TMEM259: variants seen among roughly 807,000 people sequenced by gnomAD.
The protein encoded by TMEM259 is membralin.
TMEM259 carries 26 observed loss-of-function variants against 46.7 expected under a neutral mutation model. The observed-to-expected ratio is 0.56, with a 90% CI of 0.41 to 0.77. The LOEUF (loss-of-function observed/expected upper bound fraction) is 0.77, where lower values mean the gene tolerates loss of function less well. Among genes scored for constraint, TMEM259 ranks in the 30% least tolerant of loss-of-function variants. TMEM259 has a pLI of 0.00. For missense variants in TMEM259, 930 were observed against 900.5 expected (o/e 1.03, Z -0.42); for synonymous variants, 494 against 395.1 (o/e 1.25, Z -2.97).
At chr19:1,012,209 G>T in intron 4 of TMEM259, 21 bp from the exon 5 acceptor site, 2 of 1,585,116 alleles carry the variant, frequency 1.3e-6, no homozygotes, top group East Asian at 2.3e-5. Context: ...GTGAATCAGG[G>T]AGCCGGGAGC....
Position 1,009,793 on chromosome 19 carries a change from G to A in TMEM259, c.*557C>T, listed in dbSNP as rs375681415. On this transcript the variant is annotated 3_prime_UTR_variant, in exon 11 of 11. Transcript: ENST00000356663. ...CCCACTCCATCCCCGAGTGGGACTGGACCACGGCCCTGGCTGCTGCCACTG... is the reference window on the plus strand; with the variant it reads ...CCCACTCCATCCCCGAGTGGGACTGAACCACGGCCCTGGCTGCTGCCACTG... 1.6e-5 allele frequency: 8 copies of A among 516,058 alleles called. No homozygotes were observed. The highest frequency in any genetic ancestry group is 6.0e-5 in the African/African-American group (3 of 49,654). 32.0% of individuals were successfully genotyped at this position (516,058 alleles called of 1,614,324 possible).
At chr19:1,015,412 G>A (rs564607858) in intron 1 of TMEM259, among the ~76,000 whole-genome samples, 2 of 152,328 alleles carry the variant, frequency 1.3e-5, no homozygotes, top group South Asian at 4.1e-4. Context: ...GGCTTGGGGA[G>A]CCCACGCCCC....
At position 1,013,342 on chromosome 19, in the gene TMEM259, T is replaced by C; in HGVS notation, c.508-2A>G. 6.2e-7 allele frequency: 1 copy of C among 1,613,272 alleles called. No homozygotes were observed. The highest frequency in any genetic ancestry group is 8.5e-7 in the Non-Finnish European group (1 of 1,179,530). On this transcript the variant is annotated splice_acceptor_variant, in intron 2 of 10. Coordinates refer to ENST00000356663, the MANE Select transcript of TMEM259 (RefSeq NM_001033026.2). LOFTEE classifies it high-confidence loss of function. The stretch of plus-strand genomic sequence containing the variant: ...CTTGGGCTCGATGTCCAGCTCAAAC[T>C]GTGGGCGACCAGGGACCTGGGTGTC...
At chr19:1,017,724 G>A (rs2039157214) in intron 1 of TMEM259, among the ~76,000 whole-genome samples, 1 of 152,130 alleles carries the variant, frequency 6.6e-6, no homozygotes, top group African/African-American at 2.4e-5. Context: ...GACCTGGAGT[G>A]CCAGGAGCAG....
chr19:1,011,530 G>GGCGGGGCGGGGTGCA (rs1160862880), intron 8 of TMEM259, 31 bp from the exon 9 acceptor site: 49 of 1,543,794 alleles, frequency 3.2e-5, no homozygotes, highest in Non-Finnish European at 4.3e-5. Context: ...GGTTGAAGCG[G>GGCGGGGCGGGGTGCA]GCGGGGCGGG....
intron 1 of TMEM259, 106 bp from the exon 2 acceptor site, chr19:1,014,579 G>A (rs1240448359): frequency 9.8e-6 from 13 of 1,320,620 alleles, no homozygotes; most frequent in East Asian, 2.5e-5. Flanking sequence ...CGCCCAGGAC[G>A]GGGAAAGGAA....
intron 1 of TMEM259, chr19:1,017,215 G>A (rs901967822): frequency 2.5e-6 from 1 of 399,914 alleles, no homozygotes; most frequent in Non-Finnish European, 4.4e-6. Context: ...ACCAGGCCCG[G>A]CCCTGAGCCA....
chr19:1,011,017 G>A (rs2038895054), intron 10 of TMEM259, 79 bp downstream of exon 10: 1 of 1,547,396 alleles, frequency 6.5e-7, no homozygotes, highest in Non-Finnish European at 8.7e-7. Flanking sequence ...CGACCCCACA[G>A]GGCATCCTCC....
intron 10 of TMEM259, 91 bp from the exon 11 acceptor site, chr19:1,010,986 G>A (rs887905112): frequency 3.8e-4 from 583 of 1,545,280 alleles, no homozygotes; most frequent in Non-Finnish European, 4.8e-4. Context: ...GACCATCCAC[G>A]CTACCTCTGC....
intron 1 of TMEM259, among the ~76,000 whole-genome samples, chr19:1,018,830 A>AT (rs2039192242): frequency 6.6e-6 from 1 of 152,094 alleles, no homozygotes; most frequent in Non-Finnish European, 1.5e-5. Context: ...TACTAAAAAG[A>AT]CAAAAAAATT....
chr19:1,012,551 G>C lies in TMEM259; in HGVS notation c.630C>G (p.Ile210Met). The change falls in exon 4 of 11, where the codon ATC (isoleucine) becomes ATG (methionine). Residue 210 changes from isoleucine (I) to methionine (M), a missense_variant. By Grantham distance (10) the Ile-to-Met change is conservative. Coordinates refer to ENST00000356663, the MANE Select transcript of TMEM259 (RefSeq NM_001033026.2). ...PTKVWPQDEY[I>M]VEYSLEYGFL... ...AGCCATACTCTAGTGAGTACTCCACGATGTACTCGTCCTGCGGCCACACTG... is the reference window on the plus strand; with the variant it reads ...AGCCATACTCTAGTGAGTACTCCACCATGTACTCGTCCTGCGGCCACACTG... The C allele has an allele frequency of 6.3e-7, 1 of 1,594,010 alleles. No individual in the cohort carries two copies. Among genetic ancestry groups the C allele is most frequent in the Non-Finnish European group, 8.5e-7 (1 of 1,171,430 alleles).
rs1041164790 is a variant in TMEM259 at position 1,009,689 on chromosome 19, A to T, written c.*661T>A. ...GACAGTTTATTCTATATACAAACAC[A>T]ATTTTGTACACTGCAATTAAATAGA... On this transcript the variant is annotated 3_prime_UTR_variant, in exon 11 of 11. Transcript: ENST00000356663. 9.4e-7 allele frequency: 1 copy of T among 1,067,642 alleles called. No individual in the cohort carries two copies. Among genetic ancestry groups the T allele is most frequent in the Admixed American group, 4.2e-5 (1 of 23,860 alleles). The allele number at this position is 1,067,642 out of a possible 1,614,324, so 66.1% of individuals were successfully genotyped here. A position where few individuals can be genotyped will look rare whatever the true frequency, so the allele number is the denominator to read the frequency against.
chr19:1,012,646 G>A, intron 3 of TMEM259, 73 bp from the exon 4 acceptor site: 2 of 1,516,512 alleles, frequency 1.3e-6, no homozygotes, highest in Non-Finnish European at 1.8e-6. Context: ...AGGCAAGGCA[G>A]GCGTTGAGGG....
At position 1,010,071 on chromosome 19, in the gene TMEM259, C is replaced by A; in HGVS notation, c.*279G>T. On this transcript the variant is annotated 3_prime_UTR_variant, in exon 11 of 11. Transcript: ENST00000356663. ...CCCACTCCATCCTCAGGACGGTTCA[C>A]TGCAGACCTACCAAGACCCCTCCAG... 2.2e-6 allele frequency: 1 copy of A among 448,548 alleles called. No individual in the cohort carries two copies. The highest frequency in any genetic ancestry group is 3.9e-6 in the Non-Finnish European group (1 of 254,604). 27.8% of individuals were successfully genotyped at this position (448,548 alleles called of 1,614,324 possible).
rs372676898 is a variant in TMEM259 at position 1,014,343 on chromosome 19, G to A, written c.356C>T (p.Ser119Leu). The change falls in exon 2 of 11, where the codon TCG becomes TTG. Residue 119 changes from serine (S) to leucine (L), a missense_variant. Ser to Leu is a moderately radical substitution (Grantham distance 145). Coordinates refer to ENST00000356663, the MANE Select transcript of TMEM259 (RefSeq NM_001033026.2). Reference protein sequence around the residue: ...GILRVEVRHNSSRAPVFLQFC... With the variant: ...GILRVEVRHNLSRAPVFLQFC... ...CTGTAGGAAGACGGGCGCGCGGCTC[G>A]AGTTGTGCCGCACTTCCACACGCAG... The A allele has an allele frequency of 1.7e-5, 27 of 1,612,856 alleles. No homozygotes were observed. The highest frequency in any genetic ancestry group is 2.2e-5 in the East Asian group (1 of 44,882).
intron 10 of TMEM259, 72 bp downstream of exon 10, chr19:1,011,024 C>T: frequency 6.5e-7 from 1 of 1,548,410 alleles, no homozygotes; most frequent in Non-Finnish European, 8.7e-7. Context: ...ACAGGGCATC[C>T]TCCCCGGCTG....
At position 1,010,241 on chromosome 19, in the gene TMEM259, A is replaced by C. The variant is rs1056989383; in HGVS notation, c.*109T>G. 2.8e-6 allele frequency: 3 copies of C among 1,089,642 alleles called. No individual in the cohort carries two copies. The highest frequency in any genetic ancestry group is 3.9e-5 in the South Asian group (2 of 51,334). 67.5% of individuals were successfully genotyped at this position (1,089,642 alleles called of 1,614,324 possible). On this transcript the variant is annotated 3_prime_UTR_variant, in exon 11 of 11. Coordinates refer to ENST00000356663, the MANE Select transcript of TMEM259 (RefSeq NM_001033026.2). ...CCACGAAACCCTGAAAGCCCCCGAC[A>C]CAGGCTGGGCAGTCCCAGAGGAAGG...
At chr19:1,014,562 G>A (rs905867992) in intron 1 of TMEM259, 89 bp from the exon 2 acceptor site, 9 of 1,380,420 alleles carry the variant, frequency 6.5e-6, no homozygotes, top group African/African-American at 2.9e-5. Flanking sequence ...GATGGGGCGC[G>A]CTGGGACGCC....
chr19:1,015,505 G>A lies in TMEM259; in HGVS notation c.226-1032C>T, dbSNP rs373376620. 1.2e-3 allele frequency among the ~76,000 whole-genome samples: 178 copies of A among 152,310 alleles called. 1 individual carries two copies. Among genetic ancestry groups the A allele is most frequent in the South Asian group, 3.7e-3 (18 of 4,830 alleles). On this transcript the variant is annotated intron_variant, in intron 1 of 10. Coordinates refer to ENST00000356663, the MANE Select transcript of TMEM259 (RefSeq NM_001033026.2). ...CCTCTTCCAGGGAGCCCGCCTCACC[G>A]TCTGGCGGTTTGGCTGCCCACTGTA...
Sources: allele counts gnomAD v4.1 joint callset (sites outside exome capture counted in the v4.1 genomes callset), GRCh38; gene constraint gnomAD v4.1.1; transcripts MANE v1.5; gene names NCBI Gene and HGNC (gene_info 2026-07-23, HGNC 2026-07-21).